The following DPH6 variants were observed in gnomAD, a reference collection of about 807,000 sequenced individuals.
DPH6 encodes the protein diphthine--ammonia ligase.
DPH6 carries 33 observed loss-of-function variants against 38.2 expected under a neutral mutation model. The ratio of observed to expected loss-of-function variants is 0.86; its 90% confidence interval spans 0.65 to 1.15. DPH6 has a LOEUF of 1.15. DPH6 is among the 50% of genes most tolerant of loss of function. DPH6 has a pLI of 0.00. For missense variants in DPH6, 325 were observed against 320.0 expected (o/e 1.02, Z -0.12); for synonymous variants, 108 against 103.0 (o/e 1.05, Z -0.30).
intron 3 of DPH6, among the ~76,000 whole-genome samples, chr15:35,311,805 G>A (rs2052143722): frequency 6.6e-6 from 1 of 152,176 alleles, no homozygotes; most frequent in South Asian, 2.1e-4. Context: ...GAAATGATGA[G>A]CTCCTTTGCT....
chr15:35,194,389 G>T, the DPH6 span, among the ~76,000 whole-genome samples: 2 of 151,868 alleles, frequency 1.3e-5, no homozygotes, highest in Non-Finnish European at 2.9e-5. Context: ...GAGAGAGAGA[G>T]AGAGAGATAG....
At chr15:35,385,364 A>G (rs1160851641) in intron 6 of DPH6, among the ~76,000 whole-genome samples, 1 of 152,212 alleles carries the variant, frequency 6.6e-6, no homozygotes, top group East Asian at 1.9e-4. Flanking sequence ...CTTGGAACCA[A>G]CCCAAATGCC....
chr15:35,149,967 A>G, the DPH6 span, among the ~76,000 whole-genome samples: 83 of 152,306 alleles, frequency 5.4e-4, no homozygotes, highest in East Asian at 0.012. Context: ...GTATCCATTC[A>G]TGTTAACTAC....
chr15:35,312,165 G>A (rs966309975), intron 3 of DPH6, among the ~76,000 whole-genome samples: 1 of 152,100 alleles, frequency 6.6e-6, no homozygotes, highest in Non-Finnish European at 1.5e-5. Flanking sequence ...TATGACGCAT[G>A]CAATTATTTT....
chr15:35,162,896 TGAG>T, the DPH6 span, among the ~76,000 whole-genome samples: 1 of 151,852 alleles, frequency 6.6e-6, no homozygotes, highest in East Asian at 1.9e-4. Context: ...CTCCTTTAAA[TGAG>T]GAGAAGTGAG....
chr15:35,180,962 T>A, the DPH6 span, among the ~76,000 whole-genome samples: 1 of 152,210 alleles, frequency 6.6e-6, no homozygotes, highest in Admixed American at 6.5e-5. Context: ...TACAAAAATA[T>A]GCATTTAAGC....
At chr15:35,148,846 G>A in the DPH6 span, among the ~76,000 whole-genome samples, 1 of 151,970 alleles carries the variant, frequency 6.6e-6, no homozygotes, top group African/African-American at 2.4e-5. Context: ...CATTAAAAAA[G>A]GGCACAGAAA....
At chr15:35,232,021 G>A (rs545305167) in intron 3 of DPH6, among the ~76,000 whole-genome samples, 195 of 152,230 alleles carry the variant, frequency 1.3e-3, no homozygotes, top group Non-Finnish European at 2.3e-3. Flanking sequence ...AAATTTTGGG[G>A]AACAAACATC....
intron 3 of DPH6, among the ~76,000 whole-genome samples, chr15:35,501,416 A>C (rs944018456): frequency 6.6e-6 from 1 of 152,230 alleles, no homozygotes; most frequent in African/African-American, 2.4e-5. Flanking sequence ...TCTGACAAGT[A>C]TAACTTTTTC....
At chr15:35,177,608 T>A in the DPH6 span, among the ~76,000 whole-genome samples, 12,009 of 123,488 alleles carry the variant, frequency 0.097, 1,067 homozygotes, top group East Asian at 0.22. Context: ...AAAATCATCA[T>A]CATCATCATC....
At chr15:35,398,453 T>C (rs2053174558) in intron 6 of DPH6, among the ~76,000 whole-genome samples, 1 of 152,146 alleles carries the variant, frequency 6.6e-6, no homozygotes, top group Non-Finnish European at 1.5e-5. Context: ...GAAGCCTCCA[T>C]GAAAACCCGA....
At chr15:35,400,031 A>G (rs2053196377) in intron 6 of DPH6, among the ~76,000 whole-genome samples, 1 of 152,226 alleles carries the variant, frequency 6.6e-6, no homozygotes. Context: ...GCATAGCGAG[A>G]ACCTGGTTCA....
intron 3 of DPH6, among the ~76,000 whole-genome samples, chr15:35,279,312 C>T (rs149101019): frequency 6.6e-6 from 1 of 151,852 alleles, no homozygotes; most frequent in South Asian, 2.1e-4. Context: ...TTGGTTAATG[C>T]TGGAATAAGT....
At chr15:35,230,980 G>A (rs896469509) in intron 3 of DPH6, among the ~76,000 whole-genome samples, 1 of 152,196 alleles carries the variant, frequency 6.6e-6, no homozygotes, top group African/African-American at 2.4e-5. Context: ...TTAGGGGCGG[G>A]GTGATGCCCG....
chr15:35,207,361 C>T, the DPH6 span, among the ~76,000 whole-genome samples: 1 of 152,076 alleles, frequency 6.6e-6, no homozygotes, highest in East Asian at 1.9e-4. Flanking sequence ...TTAGTAAAAA[C>T]AACCAACATT....
rs908466318 is a variant in DPH6, at chr15:35,388,565, C to T, written c.568-6649G>A. Among the ~76,000 whole-genome samples the T allele has an allele frequency of 5.3e-5, 8 of 152,222 alleles. 1 individual carries two copies. The South Asian group carries it at 1.2e-3, about 24-fold the overall frequency. ...AGATTCAAGTTCTTCCTGGTTTAGTCTTGGAAGAGTGTATGTGTCCAGGAA... is the reference window on the plus strand; with the variant it reads ...AGATTCAAGTTCTTCCTGGTTTAGTTTTGGAAGAGTGTATGTGTCCAGGAA... On this transcript the variant is annotated intron_variant, in intron 6 of 8. Transcript: ENST00000256538.
At position 35,538,384 on chromosome 15, in the gene DPH6, G is replaced by C. The variant is rs2055203680; in HGVS notation, c.202C>G (p.Pro68Ala). 6.2e-7 allele frequency: 1 copy of C among 1,611,020 alleles called. No individual in the cohort carries two copies. The highest frequency in any genetic ancestry group is 8.5e-7 in the Non-Finnish European group (1 of 1,177,836). The change falls in exon 3 of 9, where the codon CCC becomes GCC. Residue 68 changes from proline (P) to alanine (A), a missense_variant. Transcript: ENST00000256538. The stretch of plus-strand genomic sequence containing the variant: ...CCTCTTATGGTTCGGCGATAGAGGG[G>C]AAGAGCCATTGCTTCTGCATACAAG... ...IDLYAEAMALPLYRRTIRGRS... is the reference protein window; with the variant it reads ...IDLYAEAMALALYRRTIRGRS...
chr15:35,398,021 G>A (rs182333472), intron 6 of DPH6, among the ~76,000 whole-genome samples: 12 of 152,152 alleles, frequency 7.9e-5, no homozygotes. Context: ...CTTTGCTTTG[G>A]AATATGAACA....
the DPH6 span, among the ~76,000 whole-genome samples, chr15:35,170,881 G>T: frequency 6.6e-6 from 1 of 152,186 alleles, no homozygotes; most frequent in Admixed American, 6.6e-5. Context: ...AAATGATGTT[G>T]CTCCACAATC....
Sources: allele counts gnomAD v4.1 joint callset (sites outside exome capture counted in the v4.1 genomes callset), GRCh38; gene constraint gnomAD v4.1.1; transcripts MANE v1.5; gene names NCBI Gene and HGNC (gene_info 2026-07-23, HGNC 2026-07-21).